Variants in NRXN3 observed in about 807,000 individuals in gnomAD.
NRXN3 encodes neurexin 3.
A neutral mutation model predicts 137.6 loss-of-function variants in NRXN3; 32 were observed. The observed-to-expected ratio is 0.23, with a 90% confidence interval of 0.18 to 0.31. The LOEUF (loss-of-function observed/expected upper bound fraction) is 0.31, where lower values mean the gene tolerates loss of function less well. Ranked by LOEUF, NRXN3 falls within the 10% of genes least tolerant of loss-of-function variation. The pLI, the probability that NRXN3 is intolerant of heterozygous loss-of-function variation, is 1.00. For synonymous variants in NRXN3, 798 were observed against 784.5 expected, an observed-to-expected ratio of 1.02 and a Z score of -0.29; for missense variants, 1,574 against 2,062.5, an observed-to-expected ratio of 0.76 and a Z score of 4.59.
intron 19 of NRXN3, among the ~76,000 whole-genome samples, chr14:79,778,140 G>GGCGT (rs1178131973): frequency 6.6e-6 from 1 of 152,206 alleles, no homozygotes; most frequent in South Asian, 2.1e-4. Context: ...GCATAGGCTG[G>GGCGT]GCGTGGTGGC....
chr14:78,263,345 G>A (rs962572891), intron 2 of NRXN3, among the ~76,000 whole-genome samples: 2 of 151,992 alleles, frequency 1.3e-5, no homozygotes, highest in South Asian at 2.1e-4. Context: ...AGAAAAAATT[G>A]CAAATAGTAG....
intron 8 of NRXN3, among the ~76,000 whole-genome samples, chr14:78,749,453 G>T (rs1416325368): frequency 6.6e-6 from 1 of 152,144 alleles, no homozygotes; most frequent in Non-Finnish European, 1.5e-5. Flanking sequence ...TTTGATAAAA[G>T]AAACGAGTCC....
chr14:78,225,886 C>A (rs2064490500), intron 1 of NRXN3, among the ~76,000 whole-genome samples: 1 of 151,954 alleles, frequency 6.6e-6, no homozygotes, highest in Non-Finnish European at 1.5e-5. Context: ...ACCCACTAAA[C>A]CCTGGCTGGG....
intron 15 of NRXN3, among the ~76,000 whole-genome samples, chr14:79,205,072 A>C (rs2066604250): frequency 6.6e-6 from 1 of 152,144 alleles, no homozygotes; most frequent in African/African-American, 2.4e-5. Context: ...AAGGCTGGAA[A>C]ATTTTTCTTC....
chr14:78,240,270 G>A (rs1432625687), intron 1 of NRXN3, among the ~76,000 whole-genome samples: 1 of 152,184 alleles, frequency 6.6e-6, no homozygotes, highest in African/African-American at 2.4e-5. Context: ...AATAACTTGA[G>A]CATACCCTGA....
At chr14:79,478,145 G>A (rs2096576135) in intron 16 of NRXN3, among the ~76,000 whole-genome samples, 1 of 148,888 alleles carries the variant, frequency 6.7e-6, no homozygotes, top group Admixed American at 6.7e-5. Flanking sequence ...TAGGAACTTG[G>A]GAAATATATA....
chr14:78,188,591 G>A (rs147896809), intron 1 of NRXN3, among the ~76,000 whole-genome samples: 88 of 152,284 alleles, frequency 5.8e-4, no homozygotes, highest in Middle Eastern at 6.8e-3. Context: ...GCCTACAGAT[G>A]GGGGAAGGTA....
intron 4 of NRXN3, among the ~76,000 whole-genome samples, chr14:78,538,950 C>T (rs887203816): frequency 2.6e-5 from 4 of 152,144 alleles, no homozygotes; most frequent in African/African-American, 9.7e-5. Context: ...AGTCTTGCAT[C>T]CCAGGGATGA....
intron 15 of NRXN3, among the ~76,000 whole-genome samples, chr14:78,998,777 T>C (rs913309058): frequency 6.7e-6 from 1 of 150,314 alleles, no homozygotes; most frequent in East Asian, 1.9e-4. Flanking sequence ...TTTTTTTTTT[T>C]TTTTTCAGTA....
At chr14:79,752,370 A>G (rs1180051610) in intron 19 of NRXN3, among the ~76,000 whole-genome samples, 1 of 152,144 alleles carries the variant, frequency 6.6e-6, no homozygotes, top group Non-Finnish European at 1.5e-5. Context: ...CAAAACAGAG[A>G]TATAGATCAA....
chr14:78,312,289 A>G (rs1474347632), intron 4 of NRXN3, among the ~76,000 whole-genome samples: 1 of 152,178 alleles, frequency 6.6e-6, no homozygotes, highest in Non-Finnish European at 1.5e-5. Context: ...GTATTTTATG[A>G]TGCTTTGTAC....
chr14:79,004,394 T>C (rs1407380251), intron 15 of NRXN3, among the ~76,000 whole-genome samples: 1 of 152,136 alleles, frequency 6.6e-6, no homozygotes, highest in Non-Finnish European at 1.5e-5. Context: ...TACAGGCACA[T>C]GCCACCATGT....
chr14:79,197,873 A>G (rs912357710), intron 15 of NRXN3, among the ~76,000 whole-genome samples: 5 of 152,196 alleles, frequency 3.3e-5, no homozygotes, highest in Admixed American at 6.5e-5. Flanking sequence ...ATTGTAGTCA[A>G]TCCTCTCAAA....
At chr14:79,150,617 A>G (rs1262950825) in intron 15 of NRXN3, among the ~76,000 whole-genome samples, 1 of 151,974 alleles carries the variant, frequency 6.6e-6, no homozygotes, top group Admixed American at 6.6e-5. Context: ...GGCTACTGAG[A>G]AGATCAGACC....
chr14:79,543,735 G>A (rs548837253), intron 16 of NRXN3, among the ~76,000 whole-genome samples: 1 of 152,322 alleles, frequency 6.6e-6, no homozygotes, highest in South Asian at 2.1e-4. Flanking sequence ...GAGTGAAGCA[G>A]GCCAGGTGGC....
At chr14:79,688,582 G>T (rs760246697) in intron 17 of NRXN3, among the ~76,000 whole-genome samples, 4 of 152,082 alleles carry the variant, frequency 2.6e-5, no homozygotes, top group Non-Finnish European at 5.9e-5. Flanking sequence ...GTATATTGAG[G>T]CCTACTCAAG....
At chr14:78,292,500 G>A (rs971779012) in intron 3 of NRXN3, among the ~76,000 whole-genome samples, 1 of 152,130 alleles carries the variant, frequency 6.6e-6, no homozygotes, top group African/African-American at 2.4e-5. Flanking sequence ...GAGGTGGAAG[G>A]GTCAAAAGTA....
Position 79,862,119 on chromosome 14 carries a change from GACAC to G in NRXN3, c.*167_*170del, listed in dbSNP as rs138708831. 1.7e-5 allele frequency: 11 copies of G among 628,686 alleles called. No homozygotes were observed. The highest frequency in any genetic ancestry group is 5.9e-5 in the Admixed American group (2 of 33,866). 38.9% of individuals were successfully genotyped at this position (628,686 alleles called of 1,614,324 possible). A position where few individuals can be genotyped will look rare whatever the true frequency, so the allele number is the denominator to read the frequency against. ...TGGTGGGGAAAACCGTTTTTTAAAG[GACAC>G]ACACACACACAGCGATGCATCTCTC... is the stretch of plus-strand genomic sequence containing the variant. On this transcript the variant is annotated 3_prime_UTR_variant, in exon 21 of 21. Coordinates refer to ENST00000335750, the MANE Select transcript of NRXN3 (RefSeq NM_001330195.2).
intron 4 of NRXN3, among the ~76,000 whole-genome samples, chr14:78,487,866 G>A (rs2095592754): frequency 6.6e-6 from 1 of 152,030 alleles, no homozygotes; most frequent in Non-Finnish European, 1.5e-5. Context: ...ATTTCAAAAT[G>A]CAAAAGAGAA....
Sources: allele counts gnomAD v4.1 joint callset (sites outside exome capture counted in the v4.1 genomes callset), GRCh38; gene constraint gnomAD v4.1.1; transcripts MANE v1.5; gene names NCBI Gene and HGNC (gene_info 2026-07-23, HGNC 2026-07-21).